Variants in TBC1D9 observed in about 807,000 individuals in gnomAD.
The protein encoded by TBC1D9 is TBC1 domain family member 9A.
In TBC1D9, 63 loss-of-function variants were observed where a neutral mutation model predicts 132.0. That is an observed-to-expected ratio of 0.48 (90% CI 0.39 to 0.59). The LOEUF (loss-of-function observed/expected upper bound fraction) is 0.59. Ranked by LOEUF, TBC1D9 falls within the 20% of genes least tolerant of loss-of-function variation. The pLI is 0.00. For missense variants in TBC1D9, 1,261 were observed against 1,592.7 expected, an observed-to-expected ratio of 0.79 and a Z score of 3.54; for synonymous variants, 610 against 609.9, an observed-to-expected ratio of 1.00 and a Z score of 0.00.
intron 15 of TBC1D9, among the ~76,000 whole-genome samples, chr4:140,637,180 C>A (rs1245845988): frequency 6.6e-6 from 1 of 151,894 alleles, no homozygotes; most frequent in East Asian, 1.9e-4. Context: ...TGAAACCCCA[C>A]CTCTACTAAA....
Position 140,624,717 on chromosome 4 carries a change from G to A in TBC1D9, c.2900-329C>T, listed in dbSNP as rs149815787. 3.9e-3 allele frequency among the ~76,000 whole-genome samples: 597 copies of A among 152,166 alleles called. 8 individuals are homozygous for A. The highest frequency in any genetic ancestry group is 0.014 in the African/African-American group (571 of 41,524). ...CACTATCTCCAGGTAAAGGACCTCC[G>A]CAGAATTCTTTCTCACAGCTGGGGT... On this transcript the variant is annotated intron_variant, in intron 18 of 20. Transcript: ENST00000442267.
intron 1 of TBC1D9, among the ~76,000 whole-genome samples, chr4:140,726,915 A>G (rs952832062): frequency 6.6e-6 from 1 of 152,122 alleles, no homozygotes; most frequent in Non-Finnish European, 1.5e-5. Flanking sequence ...TGCCTCTGTC[A>G]TTTACTCAAT....
At position 140,669,732 on chromosome 4, in the gene TBC1D9, G is replaced by A. The variant is rs781475633; in HGVS notation, c.1339C>T (p.Arg447Cys). 2.5e-5 allele frequency: 40 copies of A among 1,613,870 alleles called. No individual in the cohort carries two copies. The East Asian group carries it at 5.3e-4, about 22-fold the overall frequency. Residue 447 changes from arginine to cysteine, a missense_variant, in exon 8 of 21, where the codon CGC becomes TGC. Physicochemically the swap from Arg to Cys is radical, Grantham distance 180. This residue lies in a region of TBC1D9 where 550 missense variants were observed against 699.0 expected (regional missense o/e 0.79). Coordinates refer to ENST00000442267, the MANE Select transcript of TBC1D9 (RefSeq NM_015130.3). The stretch of plus-strand genomic sequence containing the variant: ...CTGTTGCCATTTAGGTTAAACTGGC[G>A]CTCTCCATCAGCATCAGAGCTCGTG... Reference protein sequence around the residue: ...RSTSSDADGERQFNLNGNSVP... With the variant: ...RSTSSDADGECQFNLNGNSVP...
At chr4:140,704,036 A>G (rs940085392) in intron 1 of TBC1D9, among the ~76,000 whole-genome samples, 1 of 152,186 alleles carries the variant, frequency 6.6e-6, no homozygotes, top group Non-Finnish European at 1.5e-5. Context: ...TGAAACTACT[A>G]CAAGTGTCAT....
At chr4:140,639,588 G>A (rs1033924319) in intron 13 of TBC1D9, among the ~76,000 whole-genome samples, 160 bp from the exon 14 acceptor site, 5 of 150,192 alleles carry the variant, frequency 3.3e-5, no homozygotes, top group Non-Finnish European at 4.4e-5. Flanking sequence ...TAAAGCCACC[G>A]AGCAATCAGA....
chr4:140,747,747 G>A (rs189104448), intron 1 of TBC1D9, among the ~76,000 whole-genome samples: 3 of 152,274 alleles, frequency 2.0e-5, no homozygotes, highest in Admixed American at 2.0e-4. Flanking sequence ...GGGGGACCAG[G>A]ATAGGAGTTA....
chr4:140,651,747 GA>G (rs1406925730), intron 13 of TBC1D9, among the ~76,000 whole-genome samples: 3 of 151,816 alleles, frequency 2.0e-5, no homozygotes, highest in African/African-American at 7.2e-5. Context: ...AGGAAAAAAA[GA>G]AAAAAAGTGG....
At chr4:140,644,824 G>A in intron 13 of TBC1D9, 1 of 419,062 alleles carries the variant, frequency 2.4e-6, no homozygotes, top group Admixed American at 3.5e-5. Flanking sequence ...CGCAAAGTGA[G>A]GCAGGTGATC....
chr4:140,712,381 C>A (rs150005173), intron 1 of TBC1D9: 324 of 144,460 alleles, frequency 2.2e-3, no homozygotes, highest in African/African-American at 8.1e-3. Context: ...TTTACAGTGT[C>A]AAAATGAATC....
chr4:140,752,134 T>C (rs1738935676), intron 1 of TBC1D9, among the ~76,000 whole-genome samples: 2 of 152,138 alleles, frequency 1.3e-5, no homozygotes, highest in South Asian at 2.1e-4. Context: ...CATAGCCACA[T>C]TATCCATAAT....
intron 1 of TBC1D9, among the ~76,000 whole-genome samples, chr4:140,742,531 CAAAAAAAAAAAAAA>C (rs35891616): frequency 1.6e-5 from 1 of 63,448 alleles, no homozygotes; most frequent in Non-Finnish European, 2.9e-5. Flanking sequence ...GACTCTGTCT[CAAAAAAAAAAAAAA>C]AAAAAAAAAA....
At chr4:140,675,045 A>G (rs1001329550) in intron 6 of TBC1D9, among the ~76,000 whole-genome samples, 3 of 152,156 alleles carry the variant, frequency 2.0e-5, no homozygotes, top group Non-Finnish European at 4.4e-5. Context: ...GGACACTTTA[A>G]GATATACTCA....
chr4:140,647,040 C>A (rs1737114613), intron 13 of TBC1D9, among the ~76,000 whole-genome samples: 1 of 152,178 alleles, frequency 6.6e-6, no homozygotes, highest in Admixed American at 6.5e-5. Context: ...AAGCAGTGAG[C>A]ATCCATTGCA....
At chr4:140,707,169 G>GT (rs1389764815) in intron 1 of TBC1D9, among the ~76,000 whole-genome samples, 8 of 151,976 alleles carry the variant, frequency 5.3e-5, no homozygotes, top group Non-Finnish European at 7.4e-5. Flanking sequence ...GTGAGAAATG[G>GT]TACCTGTTTG....
At chr4:140,636,839 G>T (rs1371178657) in intron 15 of TBC1D9, among the ~76,000 whole-genome samples, 1 of 152,176 alleles carries the variant, frequency 6.6e-6, no homozygotes, top group Non-Finnish European at 1.5e-5. Flanking sequence ...TTTTATATTG[G>T]ATTCTTTAGT....
intron 3 of TBC1D9, among the ~76,000 whole-genome samples, chr4:140,682,361 C>G (rs1423821335): frequency 2.0e-5 from 3 of 152,042 alleles, no homozygotes; most frequent in African/African-American, 7.2e-5. Context: ...CAGGAGGGAG[C>G]TCAATTTTGG....
intron 3 of TBC1D9, 60 bp from the exon 4 acceptor site, chr4:140,679,903 A>G: frequency 7.3e-7 from 1 of 1,367,832 alleles, no homozygotes; most frequent in Non-Finnish European, 9.8e-7. Context: ...AGATGTACAT[A>G]TTCCAGAAGA....
At chr4:140,702,638 C>T (rs1349539932) in intron 1 of TBC1D9, among the ~76,000 whole-genome samples, 1 of 152,174 alleles carries the variant, frequency 6.6e-6, no homozygotes, top group African/African-American at 2.4e-5. Flanking sequence ...AACTGGGAAC[C>T]TGTCATCAGT....
intron 1 of TBC1D9, among the ~76,000 whole-genome samples, chr4:140,723,028 T>C (rs748992669): frequency 2.6e-5 from 4 of 152,194 alleles, no homozygotes; most frequent in Admixed American, 2.6e-4. Context: ...TCAAATGACA[T>C]TGTATAATGG....
Sources: allele counts gnomAD v4.1 joint callset (sites outside exome capture counted in the v4.1 genomes callset), GRCh38; gene constraint gnomAD v4.1.1; regional missense constraint gnomAD v4.1.1; transcripts MANE v1.5; gene names NCBI Gene and HGNC (gene_info 2026-07-23, HGNC 2026-07-21).